Variants in COL8A1 observed in about 807,000 individuals in gnomAD.
COL8A1 encodes the protein collagen alpha-1(VIII) chain.
COL8A1 carries 21 observed loss-of-function variants against 42.7 expected under a neutral mutation model. The ratio of observed to expected loss-of-function variants is 0.49; its 90% CI spans 0.35 to 0.71. The LOEUF (loss-of-function observed/expected upper bound fraction) is 0.71. COL8A1 is among the 30% of genes least tolerant of loss of function. The pLI, the probability that COL8A1 is intolerant of heterozygous loss-of-function variation, is 0.01. For missense variants in COL8A1, 788 were observed against 962.4 expected (o/e 0.82, Z 2.40); for synonymous variants, 367 against 369.1 (o/e 0.99, Z 0.06).
intron 2 of COL8A1, among the ~76,000 whole-genome samples, chr3:99,760,945 A>G (rs866514428): frequency 6.6e-5 from 10 of 152,326 alleles, no homozygotes; most frequent in South Asian, 4.1e-4. Context: ...AAGTCAGATC[A>G]ATTGATTTCT....
At chr3:99,714,953 CA>C (rs1237392561) in intron 1 of COL8A1, among the ~76,000 whole-genome samples, 1 of 151,948 alleles carries the variant, frequency 6.6e-6, no homozygotes, top group Non-Finnish European at 1.5e-5. Flanking sequence ...TATTCTAAAC[CA>C]AAGGCATTGT....
At chr3:99,727,129 T>A (rs1047807790) in intron 1 of COL8A1, among the ~76,000 whole-genome samples, 1 of 152,080 alleles carries the variant, frequency 6.6e-6, no homozygotes, top group African/African-American at 2.4e-5. Context: ...GGTCCTTCAC[T>A]TCCCTTGTCA....
intron 1 of COL8A1, among the ~76,000 whole-genome samples, chr3:99,729,893 G>A (rs578234956): frequency 3.1e-4 from 47 of 152,110 alleles, no homozygotes; most frequent in African/African-American, 1.1e-3. Context: ...TCTAAATCCT[G>A]GCACTTTAAT....
Position 99,707,900 on chromosome 3 carries a change from TTTA to T in COL8A1, c.-128-36982_-128-36980del, listed in dbSNP as rs879922685. Among the ~76,000 whole-genome samples the T allele has an allele frequency of 3.7e-3, 558 of 152,078 alleles. 3 individuals carry two copies. The highest frequency in any genetic ancestry group is 0.024 in the Middle Eastern group (7 of 294). ...ATAACCCCATGAGACAGATAGTGTT[TTTA>T]TTATTATTATTATTTATTTTTTGCA... On this transcript the variant is annotated intron_variant, in intron 1 of 3. Transcript: ENST00000652472.
intron 1 of COL8A1, among the ~76,000 whole-genome samples, chr3:99,714,604 T>C (rs1939941747): frequency 6.6e-6 from 1 of 152,116 alleles, no homozygotes; most frequent in Non-Finnish European, 1.5e-5. Flanking sequence ...TTGACAATAG[T>C]CCCAGGGACC....
intron 1 of COL8A1, among the ~76,000 whole-genome samples, chr3:99,697,355 G>C (rs1036821625): frequency 2.0e-5 from 3 of 152,182 alleles, no homozygotes; most frequent in South Asian, 2.1e-4. Flanking sequence ...TTAACTACAG[G>C]AGATATTAAA....
chr3:99,766,626 CT>C (rs1276601476), intron 2 of COL8A1, among the ~76,000 whole-genome samples: 7 of 152,168 alleles, frequency 4.6e-5, no homozygotes, highest in African/African-American at 1.7e-4. Context: ...TTGGACTTGA[CT>C]CTCAGAAGCC....
chr3:99,793,013 C>A (rs1942029993), intron 3 of COL8A1, among the ~76,000 whole-genome samples: 1 of 152,014 alleles, frequency 6.6e-6, no homozygotes. Context: ...AAAACTTTGC[C>A]AGGCACAGGA....
intron 1 of COL8A1, among the ~76,000 whole-genome samples, chr3:99,656,157 A>C (rs1938016367): frequency 6.6e-6 from 1 of 152,228 alleles, no homozygotes; most frequent in South Asian, 2.1e-4. Flanking sequence ...AAGGTATAAA[A>C]TATCAGCTAT....
intron 1 of COL8A1, among the ~76,000 whole-genome samples, chr3:99,653,183 A>G (rs937861432): frequency 5.9e-5 from 9 of 152,240 alleles, no homozygotes; most frequent in Non-Finnish European, 1.3e-4. Context: ...TGTTTAATTA[A>G]GTGCCAGCAC....
intron 1 of COL8A1, among the ~76,000 whole-genome samples, chr3:99,646,558 AT>A (rs1269377071): frequency 3.3e-5 from 5 of 152,190 alleles, no homozygotes; most frequent in Non-Finnish European, 7.3e-5. Flanking sequence ...TTAAGCATGC[AT>A]TTTACGGTTA....
intron 3 of COL8A1, among the ~76,000 whole-genome samples, chr3:99,792,814 GAACT>G (rs1942026133): frequency 6.6e-6 from 1 of 152,132 alleles, no homozygotes. Context: ...TTAAATTAAT[GAACT>G]AATATTTGAG....
chr3:99,774,516 A>G (rs544734226), intron 2 of COL8A1, among the ~76,000 whole-genome samples: 23 of 152,300 alleles, frequency 1.5e-4, no homozygotes, highest in African/African-American at 5.3e-4. Flanking sequence ...ATTGGAGAGC[A>G]GAAGAAGCCT....
At chr3:99,724,136 C>A (rs1343813650) in intron 1 of COL8A1, among the ~76,000 whole-genome samples, 2 of 152,084 alleles carry the variant, frequency 1.3e-5, no homozygotes, top group Admixed American at 6.6e-5. Flanking sequence ...TCTGACATGA[C>A]TGGATGCTCA....
chr3:99,783,289 T>A (rs1941829791), intron 2 of COL8A1, among the ~76,000 whole-genome samples: 1 of 152,222 alleles, frequency 6.6e-6, no homozygotes, highest in Admixed American at 6.5e-5. Flanking sequence ...GGGCACAACC[T>A]AATTGACTTC....
intron 1 of COL8A1, among the ~76,000 whole-genome samples, chr3:99,731,485 T>G (rs190098019): frequency 6.6e-6 from 1 of 152,186 alleles, no homozygotes; most frequent in East Asian, 1.9e-4. Context: ...GGGAATAATG[T>G]GGGGCATAGC....
intron 1 of COL8A1, among the ~76,000 whole-genome samples, chr3:99,675,919 G>C (rs1938678800): frequency 6.6e-6 from 1 of 151,878 alleles, no homozygotes; most frequent in African/African-American, 2.4e-5. Flanking sequence ...TCTCTTCAAT[G>C]ACATAAATAA....
At chr3:99,643,584 C>G (rs1937564016) in intron 1 of COL8A1, among the ~76,000 whole-genome samples, 2 of 152,188 alleles carry the variant, frequency 1.3e-5, no homozygotes, top group Admixed American at 1.3e-4. Context: ...AGAAAACAGT[C>G]TATACAGACA....
At chr3:99,723,035 A>G (rs902268563) in intron 1 of COL8A1, among the ~76,000 whole-genome samples, 56 of 115,314 alleles carry the variant, frequency 4.9e-4, no homozygotes, top group South Asian at 3.4e-3. Context: ...GTGTGTGTGT[A>G]ATAAATAGAT....
Sources: allele counts gnomAD v4.1 joint callset (sites outside exome capture counted in the v4.1 genomes callset), GRCh38; gene constraint gnomAD v4.1.1; transcripts MANE v1.5; gene names NCBI Gene and HGNC (gene_info 2026-07-23, HGNC 2026-07-21).